The following ZNF804B variants were observed in gnomAD, a reference collection of about 807,000 sequenced individuals.
The protein encoded by ZNF804B is zinc finger protein 804B.
Under a neutral mutation model 101.4 loss-of-function variants are expected in ZNF804B, and 80 were observed. The ratio of observed to expected loss-of-function variants is 0.79; its 90% CI spans 0.66 to 0.95. ZNF804B has a LOEUF of 0.95. ZNF804B is among the 40% of genes least tolerant of loss of function. ZNF804B has a pLI of 0.00. For synonymous variants in ZNF804B, 622 were observed against 558.8 expected (o/e 1.11, Z -1.59); for missense variants, 1,673 against 1,561.9 (o/e 1.07, Z -1.20).
chr7:88,924,962 C>A (rs1486610850), intron 1 of ZNF804B, among the ~76,000 whole-genome samples: 1 of 152,052 alleles, frequency 6.6e-6, no homozygotes, highest in Non-Finnish European at 1.5e-5. Flanking sequence ...ATCTAAAAAT[C>A]ACTGAAATCT....
At chr7:88,982,813 C>T (rs1793710425) in intron 1 of ZNF804B, among the ~76,000 whole-genome samples, 1 of 152,012 alleles carries the variant, frequency 6.6e-6, no homozygotes, top group Admixed American at 6.6e-5. Flanking sequence ...CCCACCTTGG[C>T]TCCTCTGCCA....
intron 1 of ZNF804B, among the ~76,000 whole-genome samples, chr7:89,033,974 A>G (rs1788883239): frequency 6.6e-6 from 1 of 151,996 alleles, no homozygotes; most frequent in Non-Finnish European, 1.5e-5. Flanking sequence ...TACAAGTTTC[A>G]TTGTTCCTTT....
intron 1 of ZNF804B, among the ~76,000 whole-genome samples, chr7:88,782,922 A>G (rs1332796985): frequency 6.6e-6 from 1 of 152,186 alleles, no homozygotes; most frequent in East Asian, 1.9e-4. Flanking sequence ...ACTTATTTCA[A>G]CTTAATATTA....
chr7:88,872,178 A>G (rs1209283642), intron 1 of ZNF804B, among the ~76,000 whole-genome samples: 1 of 152,204 alleles, frequency 6.6e-6, no homozygotes, highest in Non-Finnish European at 1.5e-5. Flanking sequence ...ATGCTATAAA[A>G]TAGGCAAACA....
chr7:89,055,827 T>C (rs1210052500), intron 1 of ZNF804B, among the ~76,000 whole-genome samples: 1 of 152,014 alleles, frequency 6.6e-6, no homozygotes, highest in African/African-American at 2.4e-5. Flanking sequence ...AACAAGTGTA[T>C]AATTATGCAG....
intron 1 of ZNF804B, among the ~76,000 whole-genome samples, chr7:89,000,792 T>C (rs892519738): frequency 7.9e-4 from 30 of 37,836 alleles, no homozygotes; most frequent in African/African-American, 1.8e-3. Context: ...TCACTCATGT[T>C]GTTGCAAATG....
At chr7:89,206,943 A>C (rs1161523036) in intron 1 of ZNF804B, among the ~76,000 whole-genome samples, 6 of 152,224 alleles carry the variant, frequency 3.9e-5, no homozygotes, top group Non-Finnish European at 8.8e-5. Flanking sequence ...CTAAAACATA[A>C]CAAGAGTCAC....
chr7:89,279,999 T>C (rs902476752), intron 2 of ZNF804B, among the ~76,000 whole-genome samples: 1 of 151,850 alleles, frequency 6.6e-6, no homozygotes, highest in African/African-American at 2.4e-5. Flanking sequence ...ATTGACCACA[T>C]AGTTGGAAGT....
chr7:88,908,376 T>G (rs1562828990), intron 1 of ZNF804B, among the ~76,000 whole-genome samples: 1 of 151,768 alleles, frequency 6.6e-6, no homozygotes, highest in Non-Finnish European at 1.5e-5. Flanking sequence ...AATGAACACC[T>G]GTACATATAA....
At chr7:88,955,862 A>G (rs1465751495) in intron 1 of ZNF804B, among the ~76,000 whole-genome samples, 5 of 151,664 alleles carry the variant, frequency 3.3e-5, no homozygotes, top group Non-Finnish European at 7.4e-5. Context: ...CCAACTAGGG[A>G]CTAATATCCA....
chr7:89,218,230 A>AAGCAGTATCACAAAC lies in ZNF804B; in HGVS notation c.186_200dup (p.Lys66_His67insGlnGlnTyrHisLys). On this transcript the variant is annotated inframe_insertion, in exon 2 of 4. Coordinates refer to ENST00000333190, the MANE Select transcript of ZNF804B (RefSeq NM_181646.5). ...AAACTTTTACTGTGAATTATGTGAC[A>AAGCAGTATCACAAAC]AGCAGTATCACAAACACCAGGAGTT... 6.2e-7 allele frequency: 1 copy of AAGCAGTATCACAAAC among 1,613,918 alleles called. No homozygotes were observed. The highest frequency in any genetic ancestry group is 8.5e-7 in the Non-Finnish European group (1 of 1,179,860).
intron 1 of ZNF804B, among the ~76,000 whole-genome samples, chr7:89,204,447 C>T (rs1244511699): frequency 1.3e-5 from 2 of 152,064 alleles, no homozygotes; most frequent in Non-Finnish European, 2.9e-5. Flanking sequence ...TTTCACACAC[C>T]CACACAGTAG....
intron 1 of ZNF804B, among the ~76,000 whole-genome samples, chr7:89,141,220 C>A (rs1047548468): frequency 6.6e-6 from 1 of 151,960 alleles, no homozygotes; most frequent in African/African-American, 2.4e-5. Context: ...ATCACCATAA[C>A]AAATATAATA....
intron 1 of ZNF804B, among the ~76,000 whole-genome samples, chr7:89,174,667 C>G (rs1791291279): frequency 1.3e-5 from 2 of 151,928 alleles, no homozygotes; most frequent in Non-Finnish European, 2.9e-5. Flanking sequence ...TTTGAGGAAC[C>G]TCCATAGTAC....
intron 1 of ZNF804B, among the ~76,000 whole-genome samples, chr7:89,118,591 G>A (rs1030283343): frequency 6.6e-5 from 10 of 151,982 alleles, no homozygotes; most frequent in African/African-American, 2.4e-4. Flanking sequence ...AAAAATGGCC[G>A]TAATAAGAAG....
intron 1 of ZNF804B, among the ~76,000 whole-genome samples, chr7:88,944,995 T>A (rs532110203): frequency 4.8e-4 from 73 of 152,152 alleles, no homozygotes; most frequent in Non-Finnish European, 9.4e-4. Context: ...ATTAGCCCTT[T>A]GTTAGATGGA....
At chr7:89,003,115 A>G (rs1395082170) in intron 1 of ZNF804B, among the ~76,000 whole-genome samples, 1 of 150,952 alleles carries the variant, frequency 6.6e-6, no homozygotes, top group Non-Finnish European at 1.5e-5. Context: ...TTTCAGTTTC[A>G]TTTTCAGAGT....
chr7:89,121,655 T>C (rs1291117635), intron 1 of ZNF804B, among the ~76,000 whole-genome samples: 1 of 152,236 alleles, frequency 6.6e-6, no homozygotes, highest in African/African-American at 2.4e-5. Context: ...TTTCTTGTTT[T>C]AGCTTCTGCA....
Position 89,333,665 on chromosome 7 carries a change from A to G in ZNF804B, c.683A>G (p.His228Arg). ...GVSFTFSKKV[H>R]LKLESSASVF... ...TCATTTACTTTTTCCAAAAAAGTGC[A>G]CCTAAAATTAGAATCTTCAGCATCA... The change falls in exon 4 of 4, where the codon CAC (histidine) becomes CGC (arginine). Residue 228 changes from histidine to arginine, a missense_variant. Transcript: ENST00000333190. 1.9e-6 allele frequency: 3 copies of G among 1,613,504 alleles called. No individual in the cohort carries two copies. The highest frequency in any genetic ancestry group is 1.7e-5 in the Admixed American group (1 of 59,892).
Sources: gnomAD v4.1 joint callset for allele counts (sites outside exome capture counted in the v4.1 genomes callset) on GRCh38, gnomAD v4.1.1 for gene constraint, MANE v1.5 for transcripts, NCBI Gene and HGNC (gene_info 2026-07-23, HGNC 2026-07-21) for gene names.